ITGA2B: variants seen among roughly 807,000 people sequenced by gnomAD.
The protein encoded by ITGA2B is integrin subunit alpha 2b.
ITGA2B carries 91 observed loss-of-function variants against 142.0 expected under a neutral mutation model. The observed-to-expected ratio is 0.64, with a 90% CI of 0.54 to 0.76. ITGA2B has a LOEUF of 0.76. ITGA2B is among the 30% of genes least tolerant of loss of function. The probability of loss-of-function intolerance (pLI) is 0.00; values close to 1 mark genes in which losing one functional copy is unlikely to be tolerated. For missense variants in ITGA2B, 1,231 were observed against 1,350.8 expected, an observed-to-expected ratio of 0.91 and a Z score of 1.39; for synonymous variants, 536 against 567.2, an observed-to-expected ratio of 0.94 and a Z score of 0.78.
intron 12 of ITGA2B, among the ~76,000 whole-genome samples, chr17:44,381,973 A>AC (rs1385500930): frequency 7.3e-5 from 11 of 151,340 alleles, no homozygotes; most frequent in Non-Finnish European, 4.4e-5. Flanking sequence ...AAACTCCCAG[A>AC]CCCCCCACAC....
intron 26 of ITGA2B, 193 bp downstream of exon 26, chr17:44,375,398 A>G: frequency 1.4e-6 from 1 of 694,232 alleles, no homozygotes; most frequent in Non-Finnish European, 2.4e-6. Context: ...GGAAGCTTTT[A>G]AAAAGTGCAA....
chr17:44,379,919 G>T, intron 17 of ITGA2B, 83 bp downstream of exon 17: 16 of 1,612,776 alleles, frequency 9.9e-6, no homozygotes, highest in African/African-American at 1.3e-5. Flanking sequence ...ACAGCACCCA[G>T]CTCAGTGCCC....
chr17:44,385,268 C>T lies in ITGA2B; in HGVS notation c.624+18G>A. 1 of 1,613,736 alleles carries T rather than the reference C, an allele frequency of 6.2e-7. No individual in the cohort carries two copies. Among genetic ancestry groups the T allele is most frequent in the Non-Finnish European group, 8.5e-7 (1 of 1,180,012 alleles). The stretch of plus-strand genomic sequence containing the variant: ...CTGTTTGGGAGCCGCCCCCACTGCG[C>T]TTTTGCTCCCTACTCGCCTGAGTGA... On this transcript the variant is annotated intron_variant, in intron 5 of 29. Transcript: ENST00000262407.
intron 10 of ITGA2B, 60 bp from the exon 11 acceptor site, chr17:44,384,006 G>C: frequency 1.2e-6 from 2 of 1,613,520 alleles, no homozygotes; most frequent in Non-Finnish European, 1.7e-6. Flanking sequence ...TTAAGAAATG[G>C]GCCCTCACCT....
chr17:44,375,741 G>A, intron 25 of ITGA2B, 25 bp from the exon 26 acceptor site: 2 of 1,562,564 alleles, frequency 1.3e-6, no homozygotes, highest in Non-Finnish European at 1.7e-6. Context: ...GAGTGGTCAG[G>A]CCCAGGTCTC....
intron 22 of ITGA2B, among the ~76,000 whole-genome samples, chr17:44,376,619 A>G (rs752137054): frequency 2.0e-5 from 3 of 150,808 alleles, no homozygotes; most frequent in Non-Finnish European, 3.0e-5. Flanking sequence ...TTTTCTTTTG[A>G]GATAGAATCT....
intron 1 of ITGA2B, among the ~76,000 whole-genome samples, chr17:44,386,968 A>T (rs890201920): frequency 1.3e-4 from 20 of 152,154 alleles, no homozygotes; most frequent in Non-Finnish European, 2.6e-4. Flanking sequence ...ATTAAAAAAA[A>T]TTTTTTTATA....
rs113598722 is a variant in ITGA2B at position 44,382,300 on chromosome 17, GTT to G, written c.1210+1191_1210+1192del. Among the ~76,000 whole-genome samples, 5 of 145,752 alleles carry G rather than the reference GTT, an allele frequency of 3.4e-5. No homozygotes were observed. The South Asian group carries it at 1.1e-3, about 32-fold the overall frequency. ...TCTTTTTCCTCTTATAGTCAAACAT[GTT>G]TTTTTTTTTCCTTTCTATTCCTCAA... On this transcript the variant is annotated intron_variant, in intron 12 of 29. Coordinates refer to ENST00000262407, the MANE Select transcript of ITGA2B (RefSeq NM_000419.5).
intron 1 of ITGA2B, among the ~76,000 whole-genome samples, chr17:44,386,382 G>C (rs774812797): frequency 2.6e-5 from 4 of 152,190 alleles, no homozygotes; most frequent in Non-Finnish European, 5.9e-5. Context: ...ATAACCATTT[G>C]GTTTGATTTG....
intron 19 of ITGA2B, 63 bp downstream of exon 19, chr17:44,378,580 G>A (rs1337614870): frequency 6.3e-7 from 1 of 1,599,518 alleles, no homozygotes; most frequent in Non-Finnish European, 8.5e-7. Flanking sequence ...AGGGGACTAA[G>A]GTGTGGAGCA....
Position 44,372,257 on chromosome 17 carries a change from G to T in ITGA2B, c.*107C>A. On this transcript the variant is annotated 3_prime_UTR_variant, in exon 30 of 30. Transcript: ENST00000262407. ...GTTGGGAGGGAAACGACACCAAGAGGACCCAATGGAACAGCTCCAACCCAA... is the reference window on the plus strand; with the variant it reads ...GTTGGGAGGGAAACGACACCAAGAGTACCCAATGGAACAGCTCCAACCCAA... 9.0e-7 allele frequency: 1 copy of T among 1,106,770 alleles called. No individual in the cohort carries two copies. Among genetic ancestry groups the T allele is most frequent in the Non-Finnish European group, 1.4e-6 (1 of 727,674 alleles). The allele number at this position is 1,106,770 out of a possible 1,614,324, so 68.6% of individuals were successfully genotyped here. A position where few individuals can be genotyped will look rare whatever the true frequency, so the allele number is the denominator to read the frequency against.
chr17:44,389,294 G>A lies in ITGA2B; in HGVS notation c.180C>T (p.Ser60=), dbSNP rs1175724373. ...FGFSLDFHKD[S]HGRVAIVVGA... ...CTTCCCTTACGGCTCACCTCCCATGGCTGTCCTTGTGGAAGTCCAGTGAAA... is the reference window on the plus strand; with the variant it reads ...CTTCCCTTACGGCTCACCTCCCATGACTGTCCTTGTGGAAGTCCAGTGAAA... The change falls in exon 1 of 30, where the codon AGC becomes AGT. Residue 60 remains serine (S), a synonymous_variant. Transcript: ENST00000262407. 6.2e-7 allele frequency: 1 copy of A among 1,614,138 alleles called. No individual in the cohort carries two copies. The highest frequency in any genetic ancestry group is 2.2e-5 in the East Asian group (1 of 44,876).
At chr17:44,378,228 T>TAA in intron 20 of ITGA2B, 134 bp downstream of exon 20, 8 of 1,119,494 alleles carry the variant, frequency 7.1e-6, no homozygotes, top group South Asian at 2.2e-5. Flanking sequence ...TCCTCCAAAT[T>TAA]AAAAAAAAAA....
Position 44,383,547 on chromosome 17 carries a change from G to C in ITGA2B, c.1156C>G (p.Arg386Gly), listed in dbSNP as rs556258793. 1 of 1,611,742 alleles carries C rather than the reference G, an allele frequency of 6.2e-7. No individual in the cohort carries two copies. Among genetic ancestry groups the C allele is most frequent in the African/African-American group, 1.3e-5 (1 of 75,004 alleles). The change falls in exon 12 of 30, where the codon CGA becomes GGA. Residue 386 changes from arginine (R) to glycine (G), a missense_variant. Around this residue, in one of 3 missense-constraint regions of ITGA2B, gnomAD observed 908 missense variants for 1,021.1 expected, o/e 0.89. Coordinates refer to ENST00000262407, the MANE Select transcript of ITGA2B (RefSeq NM_000419.5). ...LLLTGTQLYGRFGSAIAPLGD... is the reference protein window; with the variant it reads ...LLLTGTQLYGGFGSAIAPLGD... ...AGGGGTGCGATGGCAGAGCCGAATC[G>C]CCCATAGAGCTGTGTGCCAGTCAGC...
rs1433566887 is a variant in ITGA2B, at chr17:44,385,690, G to C, written c.435C>G (p.Asn145Lys). 6.2e-7 allele frequency: 1 copy of C among 1,613,696 alleles called. No individual in the cohort carries two copies. Among genetic ancestry groups the C allele is most frequent in the Admixed American group, 1.7e-5 (1 of 60,032 alleles). ...IVACAPWQHWNVLEKTEEAEK... is the reference protein window; with the variant it reads ...IVACAPWQHWKVLEKTEEAEK... ...CAGCCTCCTCAGTCTTTTCTAGGAC[G>C]TTCCAGTGCTGCCAGGGGGCGCAGG... The change falls in exon 4 of 30, where the codon AAC (asparagine) becomes AAG (lysine). Residue 145 changes from asparagine (N) to lysine (K), a missense_variant. Asn to Lys is a moderately conservative substitution (Grantham distance 94, BLOSUM62 0). This residue lies in a region of ITGA2B where 318 missense variants were observed against 312.2 expected (regional missense o/e 1.02). Transcript: ENST00000262407.
rs1280533435 is a variant in ITGA2B, at chr17:44,375,127, G to C, written c.2728-16C>G. On this transcript the variant is annotated splice_polypyrimidine_tract_variant and intron_variant, in intron 26 of 29. Coordinates refer to ENST00000262407, the MANE Select transcript of ITGA2B (RefSeq NM_000419.5). ...AGTCGCAGCTCTGAGGGGAAGCATCGTCAGTCCCCAGCCCGTCCCGGCCCA... is the reference window on the plus strand; with the variant it reads ...AGTCGCAGCTCTGAGGGGAAGCATCCTCAGTCCCCAGCCCGTCCCGGCCCA... 4.5e-6 allele frequency: 7 copies of C among 1,542,018 alleles called. No homozygotes were observed. In the South Asian group the frequency reaches 6.0e-5, roughly 13 times the overall value.
chr17:44,374,534 C>T (rs1444232498), intron 28 of ITGA2B, 64 bp from the exon 29 acceptor site: 1 of 1,563,524 alleles, frequency 6.4e-7, no homozygotes, highest in East Asian at 2.2e-5. Context: ...AGACTCAAAC[C>T]TCAGGCTGGT....
intron 26 of ITGA2B, chr17:44,375,381 C>T: frequency 1.5e-6 from 1 of 652,580 alleles, no homozygotes; most frequent in Non-Finnish European, 2.6e-6. Flanking sequence ...TGCTCCTTAA[C>T]GTACTGGGAA....
At chr17:44,376,019 T>G in intron 24 of ITGA2B, 34 bp from the exon 25 acceptor site, 1 of 1,613,908 alleles carries the variant, frequency 6.2e-7, no homozygotes, top group East Asian at 2.2e-5. Context: ...TGTGGGGAGC[T>G]TAGCGCCTCA....
Sources: allele counts gnomAD v4.1 joint callset (sites outside exome capture counted in the v4.1 genomes callset), GRCh38; gene constraint gnomAD v4.1.1; regional missense constraint gnomAD v4.1.1; transcripts MANE v1.5; gene names NCBI Gene and HGNC (gene_info 2026-07-23, HGNC 2026-07-21).